The following JMJD1C variants were observed in gnomAD, a reference collection of about 807,000 sequenced individuals.
JMJD1C encodes jumonji domain-containing protein 1C.
Under a neutral mutation model 245.3 loss-of-function variants are expected in JMJD1C, and 31 were observed. That is an observed-to-expected ratio of 0.13 (90% CI 0.09 to 0.17). The LOEUF is 0.17. JMJD1C is among the 10% of genes least tolerant of loss of function. The pLI, the probability that JMJD1C is intolerant of heterozygous loss-of-function variation, is 1.00. For synonymous variants in JMJD1C, 1,057 were observed against 1,017.4 expected, an observed-to-expected ratio of 1.04 and a Z score of -0.74; for missense variants, 2,691 against 3,000.2, an observed-to-expected ratio of 0.90 and a Z score of 2.41.
intron 5 of JMJD1C, among the ~76,000 whole-genome samples, chr10:63,216,995 T>G (rs1313837070): frequency 1.3e-5 from 2 of 152,190 alleles, no homozygotes; most frequent in African/African-American, 2.4e-5. Flanking sequence ...GGAACTGATT[T>G]TATCAGTGTT....
At chr10:63,378,621 A>G (rs1002284102) in intron 2 of JMJD1C, among the ~76,000 whole-genome samples, 1 of 152,148 alleles carries the variant, frequency 6.6e-6, no homozygotes, top group Non-Finnish European at 1.5e-5. Context: ...GATTTTTCTA[A>G]AGCTTTATTA....
chr10:63,485,416 G>A (rs1013000259), intron 1 of JMJD1C, among the ~76,000 whole-genome samples: 1 of 151,742 alleles, frequency 6.6e-6, no homozygotes, highest in African/African-American at 2.4e-5. Flanking sequence ...TCTTTATTCA[G>A]ACAAAACAGC....
chr10:63,338,927 G>C (rs999928293), intron 2 of JMJD1C, among the ~76,000 whole-genome samples: 1 of 152,074 alleles, frequency 6.6e-6, no homozygotes, highest in African/African-American at 2.4e-5. Context: ...GGGATTACAG[G>C]TGTCGTGAGC....
chr10:63,198,622 A>G lies in JMJD1C; in HGVS notation c.5382T>C (p.Asp1794=). The change falls in exon 12 of 26, where the codon GAT becomes GAC. Residue 1794 remains aspartate (D), a synonymous_variant. Coordinates refer to ENST00000399262, the MANE Select transcript of JMJD1C (RefSeq NM_032776.3). Reference sequence around the variant, plus strand: ...TAGAAGTCTCTATATCTAGTTCATCATCTTCAAAATTTTCATGTGTCCACA... The same window carrying G: ...TAGAAGTCTCTATATCTAGTTCATCGTCTTCAAAATTTTCATGTGTCCACA... ...MSLWTHENFE[D]DELDIETSKY... 1 of 1,610,612 alleles carries G rather than the reference A, an allele frequency of 6.2e-7. No homozygotes were observed. Among genetic ancestry groups the G allele is most frequent in the Non-Finnish European group, 8.5e-7 (1 of 1,177,306 alleles).
At chr10:63,345,696 A>AT (rs1273566363) in intron 2 of JMJD1C, among the ~76,000 whole-genome samples, 1 of 152,138 alleles carries the variant, frequency 6.6e-6, no homozygotes, top group African/African-American at 2.4e-5. Flanking sequence ...GCACAGGAAA[A>AT]TTTTTAAGGT....
intron 3 of JMJD1C, among the ~76,000 whole-genome samples, chr10:63,263,041 C>G (rs1854992789): frequency 6.6e-6 from 1 of 152,158 alleles, no homozygotes; most frequent in Non-Finnish European, 1.5e-5. Flanking sequence ...TTTGATTTCA[C>G]CTAGATTCAC....
intron 2 of JMJD1C, among the ~76,000 whole-genome samples, chr10:63,361,140 A>C (rs1945290194): frequency 6.6e-6 from 1 of 152,228 alleles, no homozygotes. Context: ...ATAAATAACT[A>C]GGCCAGGTGC....
intron 17 of JMJD1C, among the ~76,000 whole-genome samples, chr10:63,189,950 G>C (rs374761303): frequency 3.3e-5 from 5 of 151,316 alleles, no homozygotes; most frequent in African/African-American, 1.2e-4. Flanking sequence ...GAGTGCAGTG[G>C]TGTGATCTCA....
chr10:63,351,995 T>C (rs924008998), intron 2 of JMJD1C, among the ~76,000 whole-genome samples: 5 of 152,082 alleles, frequency 3.3e-5, no homozygotes, highest in Non-Finnish European at 1.5e-5. Context: ...TAGACCTAAA[T>C]CATTCTCAAA....
intron 1 of JMJD1C, among the ~76,000 whole-genome samples, chr10:63,435,832 G>A (rs1468728329): frequency 6.6e-6 from 1 of 152,230 alleles, no homozygotes; most frequent in African/African-American, 2.4e-5. Flanking sequence ...CCAGGAGGCA[G>A]AAGTTGCAGT....
intron 18 of JMJD1C, 36 bp from the exon 19 acceptor site, chr10:63,186,419 A>G: frequency 6.7e-7 from 1 of 1,484,812 alleles, no homozygotes; most frequent in Non-Finnish European, 9.1e-7. Flanking sequence ...GTTAAAAGAT[A>G]TATAGACTTT....
chr10:63,463,943 T>A (rs996636896), intron 1 of JMJD1C, among the ~76,000 whole-genome samples: 1 of 152,154 alleles, frequency 6.6e-6, no homozygotes, highest in Admixed American at 6.5e-5. Flanking sequence ...TCACTTAAAT[T>A]CCCAACTAAG....
chr10:63,294,611 T>G (rs1013343082), intron 2 of JMJD1C, among the ~76,000 whole-genome samples: 1 of 152,184 alleles, frequency 6.6e-6, no homozygotes, highest in Non-Finnish European at 1.5e-5. Context: ...AGTTCAAACA[T>G]AGCCTTGTCT....
chr10:63,281,760 T>C (rs1318390031), intron 2 of JMJD1C, among the ~76,000 whole-genome samples: 1 of 152,088 alleles, frequency 6.6e-6, no homozygotes, highest in East Asian at 1.9e-4. Flanking sequence ...TGAGCCACCA[T>C]GCCCAGCCAA....
chr10:63,199,465 T>C (rs1845791277), intron 11 of JMJD1C, among the ~76,000 whole-genome samples: 1 of 152,196 alleles, frequency 6.6e-6, no homozygotes, highest in South Asian at 2.1e-4. Flanking sequence ...CTACTTTTCA[T>C]ACCTTTATTA....
At chr10:63,385,685 A>C (rs1200405246) in intron 1 of JMJD1C, among the ~76,000 whole-genome samples, 1 of 151,892 alleles carries the variant, frequency 6.6e-6, no homozygotes, top group Non-Finnish European at 1.5e-5. Flanking sequence ...GCCTCAAGCA[A>C]TCCTCTCACC....
chr10:63,293,468 G>C (rs1859016698), intron 2 of JMJD1C, among the ~76,000 whole-genome samples: 2 of 151,948 alleles, frequency 1.3e-5, no homozygotes, highest in Non-Finnish European at 2.9e-5. Flanking sequence ...ATTCTCTCAG[G>C]TCCATCAAAT....
At chr10:63,461,382 TATAA>T (rs1589792958) in intron 1 of JMJD1C, among the ~76,000 whole-genome samples, 1 of 152,064 alleles carries the variant, frequency 6.6e-6, no homozygotes, top group East Asian at 1.9e-4. Flanking sequence ...TGCAAGACAA[TATAA>T]ATGTCAGACT....
At chr10:63,422,262 A>C (rs1477925157) in intron 1 of JMJD1C, among the ~76,000 whole-genome samples, 3 of 152,066 alleles carry the variant, frequency 2.0e-5, no homozygotes, top group African/African-American at 7.2e-5. Flanking sequence ...AAATACAAAA[A>C]TCAGCCATGT....
Sources: gnomAD v4.1 joint callset for allele counts (sites outside exome capture counted in the v4.1 genomes callset) on GRCh38, gnomAD v4.1.1 for gene constraint, MANE v1.5 for transcripts, NCBI Gene and HGNC (gene_info 2026-07-23, HGNC 2026-07-21) for gene names.